Variants in PEBP4 observed in about 807,000 individuals in gnomAD.
PEBP4 encodes phosphatidylethanolamine-binding protein 4.
In PEBP4, 22 loss-of-function variants were observed where a neutral mutation model predicts 23.9. That is an observed-to-expected ratio of 0.92 (90% CI 0.66 to 1.31). The LOEUF is 1.31. Ranked by LOEUF, PEBP4 falls within the 40% of genes most tolerant of loss-of-function variation. The pLI is 0.00. For synonymous variants in PEBP4, 112 were observed against 99.3 expected (o/e 1.13, Z -0.76); for missense variants, 324 against 281.7 (o/e 1.15, Z -1.07).
chr8:22,932,441 A>G (rs1809471321), upstream of PEBP4, among the ~76,000 whole-genome samples: 1 of 152,212 alleles, frequency 6.6e-6, no homozygotes, highest in Non-Finnish European at 1.5e-5. Flanking sequence ...AGCTGTTTAA[A>G]AAAAGTCATC....
intron 3 of PEBP4, among the ~76,000 whole-genome samples, chr8:22,893,446 A>G (rs1265944201): frequency 6.6e-6 from 1 of 152,250 alleles, no homozygotes; most frequent in East Asian, 1.9e-4. Context: ...AATAGAAACC[A>G]TAACAAGGAC....
At chr8:22,725,038 C>T in intron 5 of PEBP4, 82 bp from the exon 6 acceptor site, 2 of 1,222,938 alleles carry the variant, frequency 1.6e-6, no homozygotes, top group South Asian at 2.5e-5. Flanking sequence ...CATGGTCCTG[C>T]TGACCTCCCT....
intron 4 of PEBP4, among the ~76,000 whole-genome samples, chr8:22,746,460 G>A (rs1478718907): frequency 2.0e-5 from 3 of 152,078 alleles, no homozygotes; most frequent in African/African-American, 4.8e-5. Context: ...GTCTCCTCGC[G>A]TTTGGTCAGA....
intron 3 of PEBP4, among the ~76,000 whole-genome samples, chr8:22,868,448 G>T (rs1226319086): frequency 6.6e-6 from 1 of 152,130 alleles, no homozygotes; most frequent in Non-Finnish European, 1.5e-5. Flanking sequence ...CCTGGGTAGA[G>T]GTAGGGGTGG....
At position 22,865,462 on chromosome 8, in the gene PEBP4, G is replaced by A; in HGVS notation, c.259-47727C>T. On this transcript the variant is annotated intron_variant, in intron 3 of 6. Transcript: ENST00000256404. The surrounding 1 kb of genome is among the most constrained non-coding windows in gnomAD (Gnocchi z 6.9). ...GGGCGGGGGCCGCACTTTCCCCGCC[G>A]CGAGGTGGAGCGCGCCACCGCCCCC... is the stretch of plus-strand genomic sequence containing the variant. 6.6e-6 allele frequency among the ~76,000 whole-genome samples: 1 copy of A among 151,988 alleles called. No individual in the cohort carries two copies. Among genetic ancestry groups the A allele is most frequent in the East Asian group, 2.0e-4 (1 of 5,112 alleles).
Position 22,723,696 on chromosome 8 carries a change from T to C in PEBP4, c.517+1147A>G, listed in dbSNP as rs370972227. 4.6e-5 allele frequency among the ~76,000 whole-genome samples: 7 copies of C among 152,318 alleles called. No individual in the cohort carries two copies. The South Asian group carries it at 1.0e-3, about 23-fold the overall frequency. ...TAAAAGTATGTCTTTGGCAAAGCCGTTTAAACAGATTCACGGATTGGCAAG... is the reference window on the plus strand; with the variant it reads ...TAAAAGTATGTCTTTGGCAAAGCCGCTTAAACAGATTCACGGATTGGCAAG... On this transcript the variant is annotated intron_variant, in intron 6 of 6. Coordinates refer to ENST00000256404, the MANE Select transcript of PEBP4 (RefSeq NM_144962.3).
rs552431023 is a variant in PEBP4, at chr8:22,725,100, C to T, written c.404-144G>A. 43 of 594,840 alleles carry T rather than the reference C, an allele frequency of 7.2e-5. 1 individual carries two copies. The South Asian group carries it at 8.7e-4, about 12-fold the overall frequency. The allele number at this position is 594,840 out of a possible 1,614,324, so 36.8% of individuals were successfully genotyped here. A position where few individuals can be genotyped will look rare whatever the true frequency, so the allele number is the denominator to read the frequency against. On this transcript the variant is annotated intron_variant, in intron 5 of 6. Transcript: ENST00000256404. ...GCAAAACATTAGGATTTGTATTTGG[C>T]GGGATCTCAGCTTCAGTATTTTCAT...
chr8:22,769,543 G>A (rs1011524883), intron 4 of PEBP4, among the ~76,000 whole-genome samples: 2 of 152,022 alleles, frequency 1.3e-5, no homozygotes, highest in Non-Finnish European at 2.9e-5. Flanking sequence ...TTCCTGCTGC[G>A]TGGATGCTCT....
At chr8:22,781,591 C>T (rs781254621) in intron 4 of PEBP4, among the ~76,000 whole-genome samples, 5 of 152,220 alleles carry the variant, frequency 3.3e-5, no homozygotes, top group East Asian at 1.9e-4. Flanking sequence ...AAGGCCTGGG[C>T]GGGGGTAGGA....
At chr8:22,795,119 A>G (rs868476102) in intron 4 of PEBP4, among the ~76,000 whole-genome samples, 1 of 128,272 alleles carries the variant, frequency 7.8e-6, no homozygotes, top group South Asian at 2.5e-4. Flanking sequence ...TTTTATATAT[A>G]TGTGTGTATA....
intron 3 of PEBP4, among the ~76,000 whole-genome samples, chr8:22,821,493 C>T (rs1357205733): frequency 1.3e-5 from 2 of 152,086 alleles, no homozygotes; most frequent in Non-Finnish European, 2.9e-5. Context: ...GTAGCAAAGT[C>T]AGGGGGACAG....
chr8:22,813,862 C>T (rs533239465), intron 4 of PEBP4, among the ~76,000 whole-genome samples: 1 of 152,326 alleles, frequency 6.6e-6, no homozygotes, highest in Non-Finnish European at 1.5e-5. Flanking sequence ...TGGAAACCCA[C>T]AGGTATAGGA....
At chr8:22,725,510 A>C (rs2128748692) in intron 5 of PEBP4, among the ~76,000 whole-genome samples, 1 of 151,768 alleles carries the variant, frequency 6.6e-6, no homozygotes, top group East Asian at 1.9e-4. Flanking sequence ...CATCAGGGAG[A>C]AGTTCCCTCT....
chr8:22,919,106 G>A (rs1228538345), intron 3 of PEBP4, among the ~76,000 whole-genome samples: 1 of 152,200 alleles, frequency 6.6e-6, no homozygotes, highest in African/African-American at 2.4e-5. Context: ...TCAAAGAGAA[G>A]AGTCTATTCC....
intron 4 of PEBP4, among the ~76,000 whole-genome samples, chr8:22,785,145 G>A (rs1286543974): frequency 2.0e-5 from 3 of 152,322 alleles, no homozygotes; most frequent in African/African-American, 7.2e-5. Flanking sequence ...GCTCAGCACA[G>A]ACCCACGGGG....
intron 4 of PEBP4, among the ~76,000 whole-genome samples, chr8:22,770,660 C>G (rs1240170485): frequency 6.6e-6 from 1 of 152,224 alleles, no homozygotes; most frequent in African/African-American, 2.4e-5. Context: ...ACACCCTGCC[C>G]AGGCTGAGGG....
At chr8:22,938,225 C>T (rs184885596) in intron 1 of PEBP4, among the ~76,000 whole-genome samples, 69 of 152,308 alleles carry the variant, frequency 4.5e-4, no homozygotes, top group Admixed American at 8.5e-4. Context: ...ACTCCGTCCT[C>T]TTCACTGTGT....
intron 3 of PEBP4, among the ~76,000 whole-genome samples, chr8:22,872,231 G>C (rs569402171): frequency 6.6e-6 from 1 of 152,330 alleles, no homozygotes; most frequent in African/African-American, 2.4e-5. Context: ...AAATGGTGGA[G>C]TCAGGATTTG....
At chr8:22,873,309 G>A (rs1408798758) in intron 3 of PEBP4, among the ~76,000 whole-genome samples, 3 of 152,134 alleles carry the variant, frequency 2.0e-5, no homozygotes, top group Admixed American at 6.5e-5. Flanking sequence ...TTCCATTTAC[G>A]TTAAGTTCAC....
Sources: allele counts gnomAD v4.1 joint callset (sites outside exome capture counted in the v4.1 genomes callset), GRCh38; gene constraint gnomAD v4.1.1; non-coding constraint Gnocchi (gnomAD v3.1); transcripts MANE v1.5; gene names NCBI Gene and HGNC (gene_info 2026-07-23, HGNC 2026-07-21).